PDZRN3: variants seen among roughly 807,000 people sequenced by gnomAD.
The protein encoded by PDZRN3 is E3 ubiquitin-protein ligase PDZRN3.
A neutral mutation model predicts 85.7 loss-of-function variants in PDZRN3; 38 were observed. That is an observed-to-expected ratio of 0.44 (90% CI 0.34 to 0.58). The LOEUF is 0.58. PDZRN3 is among the 20% of genes least tolerant of loss of function. The pLI, the probability that PDZRN3 is intolerant of heterozygous loss-of-function variation, is 0.01. For missense variants in PDZRN3, 1,629 were observed against 1,506.4 expected (o/e 1.08, Z -1.35); for synonymous variants, 759 against 638.0 (o/e 1.19, Z -2.86).
chr3:73,383,687 T>G lies in PDZRN3; in HGVS notation c.2879A>C (p.Asp960Ala), dbSNP rs1458459321. 6.2e-7 allele frequency: 1 copy of G among 1,611,710 alleles called. No homozygotes were observed. The highest frequency in any genetic ancestry group is 2.2e-5 in the East Asian group (1 of 44,846). The change falls in exon 10 of 10, where the codon GAC becomes GCC. Residue 960 changes from aspartate to alanine, a missense_variant. Transcript: ENST00000263666. ...IREERSGMTTDDDAVSEMKMG... is the reference protein window; with the variant it reads ...IREERSGMTTADDAVSEMKMG... The stretch of plus-strand genomic sequence containing the variant: ...CTTCATCTCGCTCACCGCGTCGTCG[T>G]CGGTGGTCATGCCGCTGCGCTCTTC...
chr3:73,555,731 T>G (rs1012339939), intron 3 of PDZRN3, among the ~76,000 whole-genome samples: 1 of 152,208 alleles, frequency 6.6e-6, no homozygotes, highest in African/African-American at 2.4e-5. Flanking sequence ...AGTTCAGGAT[T>G]TGAACTTTGG....
At chr3:73,554,044 T>C (rs1035419695) in intron 3 of PDZRN3, among the ~76,000 whole-genome samples, 7 of 152,212 alleles carry the variant, frequency 4.6e-5, no homozygotes, top group African/African-American at 1.7e-4. Context: ...GAGGCCTGGA[T>C]ATCTGGGCAT....
intron 3 of PDZRN3, among the ~76,000 whole-genome samples, chr3:73,596,824 G>C (rs1268215793): frequency 1.3e-5 from 2 of 152,156 alleles, no homozygotes; most frequent in African/African-American, 2.4e-5. Flanking sequence ...GCATCATAGG[G>C]ACCATTAGCA....
At chr3:73,583,278 A>G (rs1702226989) in intron 3 of PDZRN3, among the ~76,000 whole-genome samples, 1 of 152,224 alleles carries the variant, frequency 6.6e-6, no homozygotes, top group African/African-American at 2.4e-5. Flanking sequence ...TCAAACCCAC[A>G]CAGCTAGCTT....
In PDZRN3 at chr3:73,385,724, A is replaced by C; in HGVS notation, c.1580T>G (p.Met527Arg). Residue 527 changes from methionine to arginine, a missense_variant, in exon 9 of 10, where the codon ATG becomes AGG. Physicochemically the swap from Met to Arg is moderately conservative, Grantham distance 91. Coordinates refer to ENST00000263666, the MANE Select transcript of PDZRN3 (RefSeq NM_015009.3). ...GGCCTGGTGGTGCTGCTCCTCCAGC[A>C]TGTCCATGTGCAGGTCATCCAGAAA... ...NDFLDDLHMD[M>R]LEEQHHQAMQ... 1 of 1,614,072 alleles carries C rather than the reference A, an allele frequency of 6.2e-7. No individual in the cohort carries two copies. Among genetic ancestry groups the C allele is most frequent in the Non-Finnish European group, 8.5e-7 (1 of 1,179,950 alleles).
chr3:73,496,437 T>C (rs1455057352), intron 3 of PDZRN3, among the ~76,000 whole-genome samples: 1 of 152,138 alleles, frequency 6.6e-6, no homozygotes, highest in African/African-American at 2.4e-5. Context: ...TTAATCAACA[T>C]TTTGCCATTC....
intron 3 of PDZRN3, among the ~76,000 whole-genome samples, chr3:73,502,476 A>T (rs116723453): frequency 1.0e-3 from 153 of 152,344 alleles, no homozygotes; most frequent in African/African-American, 3.5e-3. Flanking sequence ...GCCACCAACA[A>T]CTAAAATTAT....
At chr3:73,446,577 A>G (rs1702752180) in intron 3 of PDZRN3, among the ~76,000 whole-genome samples, 1 of 152,216 alleles carries the variant, frequency 6.6e-6, no homozygotes, top group Non-Finnish European at 1.5e-5. Flanking sequence ...AAACAGAGTA[A>G]GTTTAAATTT....
chr3:73,383,596 C>T lies in PDZRN3; in HGVS notation c.2970G>A (p.Arg990=), dbSNP rs1703307173. The T allele has an allele frequency of 6.2e-7, 1 of 1,614,014 alleles. No homozygotes were observed. ...QHLVKAKEQR[R]RREFMMQSRL... Reference sequence around the variant, plus strand: ...TGCTCTGCATCATGAACTCGCGCCGCCGCCGCTGCTCCTTGGCCTTCACCA... The same window carrying T: ...TGCTCTGCATCATGAACTCGCGCCGTCGCCGCTGCTCCTTGGCCTTCACCA... The change falls in exon 10 of 10, where the codon CGG becomes CGA. Residue 990 remains arginine, a synonymous_variant. Coordinates refer to ENST00000263666, the MANE Select transcript of PDZRN3 (RefSeq NM_015009.3).
At chr3:73,474,722 G>A (rs1255962650) in intron 3 of PDZRN3, 2 of 710,330 alleles carry the variant, frequency 2.8e-6, no homozygotes, top group African/African-American at 1.9e-5. Context: ...TCCATTTCAG[G>A]CCCTGGGAAA....
At chr3:73,589,689 C>T (rs1702326285) in intron 3 of PDZRN3, among the ~76,000 whole-genome samples, 1 of 152,160 alleles carries the variant, frequency 6.6e-6, no homozygotes, top group Admixed American at 6.5e-5. Context: ...ATAATACCAT[C>T]TGCCCAAAGG....
intron 3 of PDZRN3, among the ~76,000 whole-genome samples, chr3:73,455,781 G>C (rs1422950495): frequency 1.3e-5 from 2 of 152,132 alleles, no homozygotes; most frequent in Non-Finnish European, 2.9e-5. Flanking sequence ...ATACAGACTT[G>C]GACAAATCAA....
At position 73,462,286 on chromosome 3, in the gene PDZRN3, C is replaced by T. The variant is rs1703120395; in HGVS notation, c.919-57891G>A. On this transcript the variant is annotated intron_variant, in intron 3 of 9. Transcript: ENST00000263666. The stretch of plus-strand genomic sequence containing the variant: ...ATTAAAAGGTCACATAGTTTGTGAA[C>T]CTTTAAAAAAGGAACTTGAGGCCGA... 2.0e-5 allele frequency among the ~76,000 whole-genome samples: 3 copies of T among 151,500 alleles called. No individual in the cohort carries two copies. The South Asian group carries it at 6.2e-4, about 31-fold the overall frequency.
In PDZRN3 at chr3:73,538,725, T is replaced by C. The variant is rs1458896382; in HGVS notation, c.918+63629A>G. 3.3e-5 allele frequency among the ~76,000 whole-genome samples: 5 copies of C among 152,220 alleles called. No individual in the cohort carries two copies. In the East Asian group the frequency reaches 7.7e-4, roughly 23 times the overall value. On this transcript the variant is annotated intron_variant, in intron 3 of 9. Coordinates refer to ENST00000263666, the MANE Select transcript of PDZRN3 (RefSeq NM_015009.3). ...GTTTTGCATCCATTTTTCTCCTGCA[T>C]AGAACATTTGATTGTTTCATCTGGT...
chr3:73,421,076 T>A (rs1450018179), intron 3 of PDZRN3, among the ~76,000 whole-genome samples: 1 of 152,236 alleles, frequency 6.6e-6, no homozygotes, highest in Non-Finnish European at 1.5e-5. Context: ...TTTGGAACTT[T>A]GTGGAATTAT....
At chr3:73,440,425 G>C (rs1702612624) in intron 3 of PDZRN3, among the ~76,000 whole-genome samples, 1 of 152,138 alleles carries the variant, frequency 6.6e-6, no homozygotes, top group African/African-American at 2.4e-5. Flanking sequence ...CCAGAATACA[G>C]GCATCCCTGC....
Position 73,384,543 on chromosome 3 carries a change from T to C in PDZRN3, c.2023A>G (p.Lys675Glu), listed in dbSNP as rs747815266. The C allele has an allele frequency of 6.2e-7, 1 of 1,613,704 alleles. No homozygotes were observed. The highest frequency in any genetic ancestry group is 1.7e-5 in the Admixed American group (1 of 60,024). The change falls in exon 10 of 10, where the codon AAG becomes GAG. Residue 675 changes from lysine to glutamate, a missense_variant. Coordinates refer to ENST00000263666, the MANE Select transcript of PDZRN3 (RefSeq NM_015009.3). ...TTGTCCACGCTCTCAGGGTCACTCT[T>C]GCCGGCGTCCAGGGGGCCGCTAGGG... ...YYPSGPLDAG[K>E]SDPESVDKEL...
intron 3 of PDZRN3, among the ~76,000 whole-genome samples, chr3:73,581,000 A>G (rs1478085306): frequency 6.6e-6 from 1 of 152,236 alleles, no homozygotes; most frequent in African/African-American, 2.4e-5. Context: ...CCAGCAACAG[A>G]TTTTATTTCA....
At chr3:73,576,978 A>G (rs1420550595) in intron 3 of PDZRN3, among the ~76,000 whole-genome samples, 1 of 152,220 alleles carries the variant, frequency 6.6e-6, no homozygotes, top group Non-Finnish European at 1.5e-5. Flanking sequence ...CAGGGTTGTC[A>G]AAACATTCAT....
Sources: allele counts gnomAD v4.1 joint callset (sites outside exome capture counted in the v4.1 genomes callset), GRCh38; gene constraint gnomAD v4.1.1; transcripts MANE v1.5; gene names NCBI Gene and HGNC (gene_info 2026-07-23, HGNC 2026-07-21).